Variants in KLF8 observed in about 807,000 individuals in gnomAD.
KLF8 encodes the protein Krueppel-like factor 8.
A neutral mutation model predicts 18.2 loss-of-function variants in KLF8; 10 were observed. That is an observed-to-expected ratio of 0.55 (90% CI 0.34 to 0.93). KLF8 has a LOEUF of 0.93. Ranked by LOEUF, KLF8 falls within the 40% of genes least tolerant of loss-of-function variation. KLF8 has a pLI of 0.02. For synonymous variants in KLF8, 109 were observed against 97.3 expected (o/e 1.12, Z -0.71); for missense variants, 264 against 277.9 (o/e 0.95, Z 0.36).
the KLF8 span, among the ~76,000 whole-genome samples, chrX:56,191,082 A>C: frequency 3.6e-5 from 4 of 112,162 alleles, no homozygotes; most frequent in African/African-American, 6.5e-5. Context: ...TAAGAAAAAC[A>C]AAAAAGAGAT....
chrX:56,011,818 C>T, the KLF8 span, among the ~76,000 whole-genome samples: 2 of 111,921 alleles, frequency 1.8e-5, no homozygotes, highest in African/African-American at 6.5e-5. Flanking sequence ...TCAGAGAGTA[C>T]TATAAACACC....
chrX:56,271,164 G>T (rs188851260), intron 5 of KLF8, among the ~76,000 whole-genome samples: 1 of 111,532 alleles, frequency 9.0e-6, no homozygotes, highest in Non-Finnish European at 1.9e-5. Context: ...TTATATCAGG[G>T]ACTTAAGCAT....
chrX:56,102,563 A>C, the KLF8 span, among the ~76,000 whole-genome samples: 2 of 110,786 alleles, frequency 1.8e-5, no homozygotes, highest in Non-Finnish European at 3.8e-5. Context: ...TGGCCATTTT[A>C]ACAATATTGG....
At chrX:56,178,145 C>G in the KLF8 span, among the ~76,000 whole-genome samples, 1 of 112,126 alleles carries the variant, frequency 8.9e-6, no homozygotes, top group Non-Finnish European at 1.9e-5. Context: ...TGAGGTGAAC[C>G]TGGTACCTCA....
the KLF8 span, among the ~76,000 whole-genome samples, chrX:56,217,730 C>CT: frequency 9.0e-6 from 1 of 111,657 alleles, no homozygotes; most frequent in Non-Finnish European, 1.9e-5. Context: ...TCAATTGTAC[C>CT]TTTTAAAAGG....
At chrX:55,991,023 A>T in the KLF8 span, among the ~76,000 whole-genome samples, 1 of 112,048 alleles carries the variant, frequency 8.9e-6, no homozygotes, top group South Asian at 3.7e-4. Context: ...ACTCTCTTCA[A>T]AGCTGTCAGA....
At chrX:55,993,639 T>C in the KLF8 span, among the ~76,000 whole-genome samples, 1 of 112,276 alleles carries the variant, frequency 8.9e-6, no homozygotes. Context: ...GGAGGAGTCC[T>C]TCCTTCTCAA....
chrX:55,957,001 G>T, the KLF8 span, among the ~76,000 whole-genome samples: 2 of 109,953 alleles, frequency 1.8e-5, no homozygotes, highest in Admixed American at 1.9e-4. Context: ...TTCCCCCAGT[G>T]TTTTTTTTAG....
At chrX:55,995,073 C>T in the KLF8 span, among the ~76,000 whole-genome samples, 1 of 111,865 alleles carries the variant, frequency 8.9e-6, no homozygotes, top group Non-Finnish European at 1.9e-5. Context: ...TTGTTTTGTG[C>T]ATCTGAGTGC....
the KLF8 span, among the ~76,000 whole-genome samples, chrX:55,937,772 C>A: frequency 8.9e-6 from 1 of 111,816 alleles, no homozygotes; most frequent in East Asian, 2.8e-4. Context: ...GAAAGAGTAT[C>A]AGCGATGGAA....
chrX:56,173,317 T>C, the KLF8 span, among the ~76,000 whole-genome samples: 1 of 112,255 alleles, frequency 8.9e-6, no homozygotes, highest in South Asian at 3.7e-4. Context: ...TTTCTACATA[T>C]GGCTAGCCAG....
chrX:56,050,709 A>G, the KLF8 span, among the ~76,000 whole-genome samples: 13 of 112,069 alleles, frequency 1.2e-4, no homozygotes, highest in Non-Finnish European at 2.4e-4. Flanking sequence ...ATTTTGGAAT[A>G]TGTGTGGTGT....
At chrX:56,002,417 ATGTGTG>A in the KLF8 span, among the ~76,000 whole-genome samples, 509 of 92,604 alleles carry the variant, frequency 5.5e-3, no homozygotes, top group South Asian at 0.014. Context: ...ATTTGTGTGT[ATGTGTG>A]TGTGTGTGTG....
At chrX:56,056,121 G>A in the KLF8 span, among the ~76,000 whole-genome samples, 1 of 111,757 alleles carries the variant, frequency 8.9e-6, no homozygotes, top group African/African-American at 3.2e-5. Flanking sequence ...GCAGTCATTT[G>A]GAAGACCAAG....
chrX:56,085,494 C>A, the KLF8 span, among the ~76,000 whole-genome samples: 1 of 108,369 alleles, frequency 9.2e-6, no homozygotes, highest in East Asian at 2.8e-4. Flanking sequence ...CTTCATCCAC[C>A]TTTTGTTCTA....
At chrX:56,123,297 AAG>A in the KLF8 span, among the ~76,000 whole-genome samples, 413 of 92,640 alleles carry the variant, frequency 4.5e-3, 7 homozygotes, top group African/African-American at 0.022. Context: ...GAAAGAAAGA[AAG>A]AGAAAGAAAG....
At chrX:55,974,764 A>G in the KLF8 span, among the ~76,000 whole-genome samples, 59 of 112,439 alleles carry the variant, frequency 5.2e-4, no homozygotes, top group African/African-American at 1.9e-3. Context: ...GTAAGTGAAG[A>G]CAAACAAGCT....
the KLF8 span, among the ~76,000 whole-genome samples, chrX:56,172,136 T>C: frequency 2.4e-4 from 27 of 110,796 alleles, no homozygotes; most frequent in African/African-American, 8.9e-4. Context: ...CTTTAAGTTT[T>C]AGGGTACAGG....
chrX:56,032,025 C>CT, the KLF8 span, among the ~76,000 whole-genome samples: 1 of 110,919 alleles, frequency 9.0e-6, no homozygotes, highest in Non-Finnish European at 1.9e-5. Context: ...ACATCGGTTG[C>CT]TAGGTCATGG....
Sources: allele counts gnomAD v4.1 joint callset (sites outside exome capture counted in the v4.1 genomes callset), GRCh38; gene constraint gnomAD v4.1.1; transcripts MANE v1.5; gene names NCBI Gene and HGNC (gene_info 2026-07-23, HGNC 2026-07-21).